The following EYS variants were observed in gnomAD, a reference collection of about 807,000 sequenced individuals.
EYS encodes the protein EGF-like photoreceptor maintenance factor.
In EYS, 250 loss-of-function variants were observed where a neutral mutation model predicts 282.1. The ratio of observed to expected loss-of-function variants is 0.89; its 90% CI spans 0.80 to 0.98. The LOEUF (loss-of-function observed/expected upper bound fraction) is 0.98, where lower values mean the gene tolerates loss of function less well. Among genes scored for constraint, EYS ranks in the 50% least tolerant of loss-of-function variants. The pLI is 0.00. For missense variants in EYS, 4,016 were observed against 3,709.0 expected, an observed-to-expected ratio of 1.08 and a Z score of -2.15; for synonymous variants, 1,355 against 1,282.9, an observed-to-expected ratio of 1.06 and a Z score of -1.20.
chr6:64,781,998 C>T (rs1773877764), intron 22 of EYS, among the ~76,000 whole-genome samples: 1 of 152,094 alleles, frequency 6.6e-6, no homozygotes, highest in Admixed American at 6.6e-5. Flanking sequence ...CCTGGCTATG[C>T]CATTTAACTT....
chr6:63,882,090 A>G (rs541921460), intron 35 of EYS, among the ~76,000 whole-genome samples: 7 of 152,332 alleles, frequency 4.6e-5, no homozygotes, highest in African/African-American at 1.7e-4. Flanking sequence ...AACCTCTAAT[A>G]TCTAAAATCA....
chr6:64,972,908 T>C (rs1362551401), intron 14 of EYS, among the ~76,000 whole-genome samples: 1 of 152,074 alleles, frequency 6.6e-6, no homozygotes, highest in Non-Finnish European at 1.5e-5. Context: ...AAAAGCCTAC[T>C]TTCCCAATTC....
rs116909279 is a variant in EYS at position 64,226,673 on chromosome 6, G to C, written c.6424+3919C>G. On this transcript the variant is annotated intron_variant, in intron 31 of 42. Coordinates refer to ENST00000503581, the MANE Select transcript of EYS (RefSeq NM_001142800.2). Reference sequence around the variant, plus strand: ...ATGATAAAGTAGGCAACAAGGTTTAGCTAATATGAATTAAGATAGCATGTG... The same window carrying C: ...ATGATAAAGTAGGCAACAAGGTTTACCTAATATGAATTAAGATAGCATGTG... Among the ~76,000 whole-genome samples, 111 of 152,140 alleles carry C rather than the reference G, an allele frequency of 7.3e-4. No homozygotes were observed. The East Asian group carries it at 0.019, about 26-fold the overall frequency.
chr6:65,631,247 G>A (rs1766899783), intron 2 of EYS, among the ~76,000 whole-genome samples: 1 of 152,164 alleles, frequency 6.6e-6, no homozygotes, highest in Admixed American at 6.5e-5. Flanking sequence ...ACACAAGGTA[G>A]TTGCACTTCC....
At chr6:65,598,459 C>A (rs1419977744) in intron 2 of EYS, among the ~76,000 whole-genome samples, 1 of 151,966 alleles carries the variant, frequency 6.6e-6, no homozygotes, top group Non-Finnish European at 1.5e-5. Flanking sequence ...GGAGTATAGC[C>A]AATCAAACAA....
Position 65,009,122 on chromosome 6 carries a change from G to C in EYS, c.2138-11419C>G, listed in dbSNP as rs746493760. Among the ~76,000 whole-genome samples the C allele has an allele frequency of 1.3e-5, 2 of 152,190 alleles. 1 individual carries two copies. The highest frequency in any genetic ancestry group is 3.9e-4 in the East Asian group (2 of 5,154). ...GCTTGAGGAAGGAATTAATCCTAAA[G>C]TCTAGGCAACAGAAGGACAATATAG... On this transcript the variant is annotated intron_variant, in intron 13 of 42. Coordinates refer to ENST00000503581, the MANE Select transcript of EYS (RefSeq NM_001142800.2).
intron 5 of EYS, among the ~76,000 whole-genome samples, chr6:65,447,362 T>A (rs12198668): frequency 8.9e-6 from 1 of 112,438 alleles, no homozygotes; most frequent in Non-Finnish European, 2.2e-5. Flanking sequence ...ATGTATATAG[T>A]TATATATATA....
intron 12 of EYS, among the ~76,000 whole-genome samples, chr6:65,082,163 A>G (rs2150172096): frequency 6.6e-6 from 1 of 152,196 alleles, no homozygotes; most frequent in African/African-American, 2.4e-5. Flanking sequence ...AAATGTCAAG[A>G]TTTATTTTCC....
In EYS at chr6:64,815,240, A is replaced by G. The variant is rs751619142; in HGVS notation, c.3244-1663T>C. 1.1e-5 allele frequency: 5 copies of G among 463,500 alleles called. No homozygotes were observed. The East Asian group carries it at 3.1e-4, about 29-fold the overall frequency. The allele number at this position is 463,500 out of a possible 1,614,324, so 28.7% of individuals were successfully genotyped here. A position where few individuals can be genotyped will look rare whatever the true frequency, so the allele number is the denominator to read the frequency against. On this transcript the variant is annotated intron_variant, in intron 21 of 42. Coordinates refer to ENST00000503581, the MANE Select transcript of EYS (RefSeq NM_001142800.2). ...CTTTTGCTGAAAACGTGAACTTGTT[A>G]AGAAAAACCAAGAGCACATAGTAGA... is the stretch of plus-strand genomic sequence containing the variant.
chr6:64,119,519 C>T (rs1055995850), intron 31 of EYS, among the ~76,000 whole-genome samples: 2 of 152,032 alleles, frequency 1.3e-5, no homozygotes, highest in Non-Finnish European at 2.9e-5. Context: ...ACTTCATTTG[C>T]CAAAGAAATA....
chr6:64,159,928 G>A (rs901869678), intron 31 of EYS, among the ~76,000 whole-genome samples: 1 of 152,076 alleles, frequency 6.6e-6, no homozygotes, highest in African/African-American at 2.4e-5. Flanking sequence ...ACTTTTTTTG[G>A]TATTAAGTAA....
At chr6:64,748,228 A>G (rs1031873806) in intron 22 of EYS, among the ~76,000 whole-genome samples, 1 of 152,252 alleles carries the variant, frequency 6.6e-6, no homozygotes, top group African/African-American at 2.4e-5. Context: ...ATGTAATAAT[A>G]AACACACATC....
intron 41 of EYS, among the ~76,000 whole-genome samples, chr6:63,741,046 C>T (rs1279350020): frequency 6.6e-6 from 1 of 152,118 alleles, no homozygotes; most frequent in East Asian, 1.9e-4. Context: ...AATAAAACGC[C>T]ACAACTGCTC....
chr6:65,296,506 C>G (rs1768669705), intron 11 of EYS, among the ~76,000 whole-genome samples: 1 of 151,378 alleles, frequency 6.6e-6, no homozygotes, highest in Non-Finnish European at 1.5e-5. Context: ...GGAAAAAAAT[C>G]ACAATTACTT....
chr6:65,397,285 C>T (rs986907751), intron 7 of EYS, among the ~76,000 whole-genome samples: 20 of 151,844 alleles, frequency 1.3e-4, no homozygotes, highest in East Asian at 3.9e-4. Flanking sequence ...TATTACATAG[C>T]GGTGAAGTCT....
intron 33 of EYS, among the ~76,000 whole-genome samples, chr6:64,014,314 A>G (rs1348960553): frequency 6.6e-6 from 1 of 152,148 alleles, no homozygotes; most frequent in African/African-American, 2.4e-5. Flanking sequence ...TTTTACAAAG[A>G]TATGTTACAG....
intron 31 of EYS, among the ~76,000 whole-genome samples, chr6:64,096,424 A>C (rs943728838): frequency 1.3e-5 from 2 of 152,220 alleles, no homozygotes; most frequent in African/African-American, 4.8e-5. Context: ...ACATAGTCCC[A>C]TATTTCTTAG....
At chr6:64,553,547 C>CT (rs1284949765) in intron 26 of EYS, among the ~76,000 whole-genome samples, 1 of 69,592 alleles carries the variant, frequency 1.4e-5, no homozygotes, top group Non-Finnish European at 2.7e-5. Context: ...TTTGTTTGAC[C>CT]CCCCCCCCCC....
rs1164635428 is a variant in EYS at position 64,637,471 on chromosome 6, A to G, written c.3444-11226T>C. ...GGTGTGGGGAGGGGGGAGGGACAGCATTAGGAGATATACCTAATGTTAAAT... is the reference window on the plus strand; with the variant it reads ...GGTGTGGGGAGGGGGGAGGGACAGCGTTAGGAGATATACCTAATGTTAAAT... On this transcript the variant is annotated intron_variant, in intron 22 of 42. Coordinates refer to ENST00000503581, the MANE Select transcript of EYS (RefSeq NM_001142800.2). Among the ~76,000 whole-genome samples, 4 of 85,704 alleles carry G rather than the reference A, an allele frequency of 4.7e-5. 1 individual carries two copies. In the Admixed American group the frequency reaches 5.0e-4, roughly 11 times the overall value. The allele number at this position is 85,704 out of a possible 152,430, so 56.2% of individuals were successfully genotyped here. A position where few individuals can be genotyped will look rare whatever the true frequency, so the allele number is the denominator to read the frequency against.
Sources: allele counts gnomAD v4.1 joint callset (sites outside exome capture counted in the v4.1 genomes callset), GRCh38; gene constraint gnomAD v4.1.1; transcripts MANE v1.5; gene names NCBI Gene and HGNC (gene_info 2026-07-23, HGNC 2026-07-21).